The following DNAI4 variants were observed in gnomAD, a reference collection of about 807,000 sequenced individuals.
DNAI4 encodes the protein WD repeat domain 78.
A neutral mutation model predicts 105.8 loss-of-function variants in DNAI4; 85 were observed. The observed-to-expected ratio is 0.80, with a 90% CI of 0.67 to 0.96. The LOEUF is 0.96. DNAI4 is among the 40% of genes least tolerant of loss of function. The probability of loss-of-function intolerance (pLI) is 0.00; values close to 1 mark genes in which losing one functional copy is unlikely to be tolerated. For missense variants in DNAI4, 1,014 were observed against 1,005.6 expected (o/e 1.01, Z -0.11); for synonymous variants, 352 against 331.5 (o/e 1.06, Z -0.67).
rs146664565 is a variant in DNAI4 at position 66,840,493 on chromosome 1, G to T, written c.1470C>A (p.Ser490Arg). 5.8e-5 allele frequency: 94 copies of T among 1,614,038 alleles called. No individual in the cohort carries two copies. The African/African-American group carries it at 1.1e-3, about 18-fold the overall frequency. ...CTGGATTTGTTTTATTCCAGGCAAG[G>T]CTGCTCACATTGAGGCCTTTGGTTA... is the stretch of plus-strand genomic sequence containing the variant. ...CDLTKGLNVS[S>R]LAWNKTNPDL... Residue 490 changes from serine to arginine, a missense_variant, in exon 9 of 17, where the codon AGC (serine) becomes AGA (arginine). Coordinates refer to ENST00000371026, the MANE Select transcript of DNAI4 (RefSeq NM_024763.5).
chr1:66,881,168 G>A (rs551047248), intron 4 of DNAI4, among the ~76,000 whole-genome samples: 82 of 152,388 alleles, frequency 5.4e-4, no homozygotes, highest in African/African-American at 1.9e-3. Flanking sequence ...GGGCCATCAT[G>A]GAGAAGCTCT....
At chr1:66,869,117 A>ATATG (rs1491515087) in intron 6 of DNAI4, among the ~76,000 whole-genome samples, 4 of 128,484 alleles carry the variant, frequency 3.1e-5, no homozygotes, top group African/African-American at 1.3e-4. Context: ...CTAGATATGA[A>ATATG]TATATATATA....
intron 4 of DNAI4, among the ~76,000 whole-genome samples, chr1:66,876,069 T>C (rs1646952519): frequency 6.6e-6 from 1 of 152,020 alleles, no homozygotes. Flanking sequence ...TTCTTCTTTT[T>C]TAAAAATATT....
At chr1:66,822,012 T>C (rs1645636607) in intron 16 of DNAI4, among the ~76,000 whole-genome samples, 1 of 152,160 alleles carries the variant, frequency 6.6e-6, no homozygotes, top group African/African-American at 2.4e-5. Context: ...AATTATTTTA[T>C]GTAACAATCT....
chr1:66,884,738 T>C (rs1647156663), intron 4 of DNAI4, among the ~76,000 whole-genome samples: 1 of 152,126 alleles, frequency 6.6e-6, no homozygotes, highest in African/African-American at 2.4e-5. Flanking sequence ...CTTGTAAAAT[T>C]AGTTTGGAAA....
intron 4 of DNAI4, 134 bp downstream of exon 4, chr1:66,891,020 C>A (rs1647588878): frequency 1.1e-5 from 8 of 750,858 alleles, no homozygotes; most frequent in Non-Finnish European, 1.8e-5. Context: ...CCTGGTAATT[C>A]TCTTGAAGCG....
chr1:66,826,880 G>A lies in DNAI4; in HGVS notation c.2279C>T (p.Ser760Phe), dbSNP rs143078594. ...CTCATTTGCAGCTGCAAATATATAG[G>A]ATGATTTTGGAGACCAGGCAACGTC... ...VYDVAWSPKS[S>F]YIFAAANENR... Residue 760 changes from serine (S) to phenylalanine (F), a missense_variant, in exon 15 of 17, where the codon TCC (serine) becomes TTC (phenylalanine). Transcript: ENST00000371026. 94 of 1,613,958 alleles carry A rather than the reference G, an allele frequency of 5.8e-5. No individual in the cohort carries two copies. In the African/African-American group the frequency reaches 1.2e-3, roughly 20 times the overall value.
intron 4 of DNAI4, 38 bp from the exon 5 acceptor site, chr1:66,874,975 G>C (rs778574977): frequency 4.5e-6 from 7 of 1,545,248 alleles, no homozygotes; most frequent in Non-Finnish European, 5.2e-6. Flanking sequence ...TTTACTAATT[G>C]CTATTTTTAA....
intron 1 of DNAI4, chr1:66,919,258 A>G: frequency 4.0e-6 from 1 of 252,030 alleles, no homozygotes; most frequent in Non-Finnish European, 8.5e-6. Flanking sequence ...TCAAATTCTC[A>G]GGTTCACATA....
In DNAI4 at chr1:66,905,319, G is replaced by A. The variant is rs185076354; in HGVS notation, c.227C>T (p.Thr76Ile). 1.0e-5 allele frequency: 16 copies of A among 1,528,370 alleles called. No homozygotes were observed. The highest frequency in any genetic ancestry group is 1.3e-5 in the Non-Finnish European group (15 of 1,125,504). 94.7% of individuals were successfully genotyped at this position (1,528,370 alleles called of 1,614,324 possible). A position where few individuals can be genotyped will look rare whatever the true frequency, so the allele number is the denominator to read the frequency against. Residue 76 changes from threonine to isoleucine, a missense_variant, in exon 2 of 17, where the codon ACT (threonine) becomes ATT (isoleucine). Transcript: ENST00000371026. ...TGCACCAGTATATCCTTTCACTGAA[G>A]TTGCTTTCATTGTAGCAAAAAAGCT... is the stretch of plus-strand genomic sequence containing the variant. Reference protein sequence around the residue: ...SISFFATMKATSVKGYTGANQ... With the variant: ...SISFFATMKAISVKGYTGANQ...
chr1:66,880,172 A>G (rs1647038645), intron 4 of DNAI4, among the ~76,000 whole-genome samples: 1 of 152,228 alleles, frequency 6.6e-6, no homozygotes. Flanking sequence ...TAAGTCCATT[A>G]AACCTCTTTT....
At chr1:66,852,668 A>T (rs775223015) in intron 7 of DNAI4, among the ~76,000 whole-genome samples, 3 of 151,970 alleles carry the variant, frequency 2.0e-5, no homozygotes, top group Non-Finnish European at 4.4e-5. Flanking sequence ...TCAACCATTT[A>T]TTAAAAAAAA....
In DNAI4 at chr1:66,814,077, G is replaced by T; in HGVS notation, c.*53C>A. On this transcript the variant is annotated 3_prime_UTR_variant, in exon 17 of 17. Coordinates refer to ENST00000371026, the MANE Select transcript of DNAI4 (RefSeq NM_024763.5). ...GTACAGTATGTAATACAGAATATTG[G>T]ATGTTAATTCCTTTTTTAAAACAAC... The T allele has an allele frequency of 1.4e-6, 2 of 1,437,742 alleles. No homozygotes were observed. The highest frequency in any genetic ancestry group is 1.9e-6 in the Non-Finnish European group (2 of 1,049,060). 89.1% of individuals were successfully genotyped at this position (1,437,742 alleles called of 1,614,324 possible).
chr1:66,838,473 A>G (rs1224696660), intron 9 of DNAI4, among the ~76,000 whole-genome samples: 3 of 152,212 alleles, frequency 2.0e-5, no homozygotes, highest in Non-Finnish European at 2.9e-5. Flanking sequence ...TTATGAGAAA[A>G]TAAATTGCTG....
intron 9 of DNAI4, among the ~76,000 whole-genome samples, chr1:66,838,710 T>C (rs1231762635): frequency 6.6e-6 from 1 of 152,224 alleles, no homozygotes; most frequent in Non-Finnish European, 1.5e-5. Context: ...ATTCCCTCTG[T>C]CTTAAAAACA....
At chr1:66,826,456 A>C (rs769829575) in intron 15 of DNAI4, among the ~76,000 whole-genome samples, 3 of 151,996 alleles carry the variant, frequency 2.0e-5, no homozygotes, top group Non-Finnish European at 4.4e-5. Context: ...ATGCCACCAC[A>C]CCTGGCTAGT....
chr1:66,830,976 C>CAAAAAA (rs71242799), intron 13 of DNAI4, among the ~76,000 whole-genome samples: 10 of 81,692 alleles, frequency 1.2e-4, no homozygotes, highest in East Asian at 3.8e-4. Flanking sequence ...GACTCTGTCA[C>CAAAAAA]AAAAAAAAAA....
At chr1:66,895,983 T>C (rs906099329) in intron 2 of DNAI4, among the ~76,000 whole-genome samples, 1 of 152,174 alleles carries the variant, frequency 6.6e-6, no homozygotes, top group African/African-American at 2.4e-5. Flanking sequence ...TGAGGATTTC[T>C]CTACGTTTGC....
chr1:66,848,104 A>G, intron 7 of DNAI4: 1 of 422,280 alleles, frequency 2.4e-6, no homozygotes, highest in Non-Finnish European at 4.7e-6. Flanking sequence ...AGTTCAGTAG[A>G]TTAGAGGCCT....
Sources: allele counts gnomAD v4.1 joint callset (sites outside exome capture counted in the v4.1 genomes callset), GRCh38; gene constraint gnomAD v4.1.1; transcripts MANE v1.5; gene names NCBI Gene and HGNC (gene_info 2026-07-23, HGNC 2026-07-21).